Variants in FRY observed in about 807,000 individuals in gnomAD.
FRY encodes the protein FRY microtubule binding protein, also known as protein furry homolog.
FRY carries 128 observed loss-of-function variants against 348.4 expected under a neutral mutation model. The ratio of observed to expected loss-of-function variants is 0.37; its 90% confidence interval spans 0.32 to 0.43. The LOEUF is 0.43. FRY is among the 20% of genes least tolerant of loss of function. FRY has a pLI of 1.00. For synonymous variants in FRY, 1,370 were observed against 1,374.7 expected, an observed-to-expected ratio of 1.00 and a Z score of 0.08; for missense variants, 2,736 against 3,695.2, an observed-to-expected ratio of 0.74 and a Z score of 6.73.
At chr13:32,062,259 G>T (rs1328742548) in intron 1 of FRY, among the ~76,000 whole-genome samples, 1 of 151,518 alleles carries the variant, frequency 6.6e-6, no homozygotes. Context: ...ATTTGGAAAA[G>T]GTTGCATCAT....
At chr13:32,086,878 A>G (rs1415903392) in intron 2 of FRY, among the ~76,000 whole-genome samples, 1 of 152,152 alleles carries the variant, frequency 6.6e-6, no homozygotes, top group Non-Finnish European at 1.5e-5. Context: ...GGGGATTTTC[A>G]TTATTGAGGT....
intron 1 of FRY, among the ~76,000 whole-genome samples, chr13:32,049,002 G>A (rs1051326243): frequency 1.3e-5 from 2 of 152,100 alleles, no homozygotes; most frequent in Non-Finnish European, 2.9e-5. Context: ...TGCCTTCTCT[G>A]GGCTTCACAA....
intron 1 of FRY, among the ~76,000 whole-genome samples, chr13:32,040,042 A>T (rs1041247669): frequency 6.6e-6 from 1 of 152,232 alleles, no homozygotes; most frequent in African/African-American, 2.4e-5. Context: ...TTAAATTTAC[A>T]TTAAAAATTT....
chr13:32,257,950 A>T (rs753193576), intron 51 of FRY: 4 of 1,605,734 alleles, frequency 2.5e-6, no homozygotes. Flanking sequence ...CTGCTCATTC[A>T]ATCTGCTACC....
Position 32,299,033 on chromosome 13 carries a change from G to C in FRY, c.*3573G>C, listed in dbSNP as rs1190763662. On this transcript the variant is annotated 3_prime_UTR_variant, in exon 61 of 61. Transcript: ENST00000542859. Reference sequence around the variant, plus strand: ...CGTTGTGGTGGTTATACAGCATTGTGAATGTACTTAATGCCAATGAATTGT... The same window carrying C: ...CGTTGTGGTGGTTATACAGCATTGTCAATGTACTTAATGCCAATGAATTGT... 1 of 152,230 alleles carries C rather than the reference G, an allele frequency of 6.6e-6. No individual in the cohort carries two copies. Among genetic ancestry groups the C allele is most frequent in the Non-Finnish European group, 1.5e-5 (1 of 68,036 alleles). 9.4% of individuals were successfully genotyped at this position (152,230 alleles called of 1,614,324 possible).
chr13:32,125,234 G>C (rs372717568), intron 7 of FRY, among the ~76,000 whole-genome samples: 1 of 152,168 alleles, frequency 6.6e-6, no homozygotes, highest in East Asian at 1.9e-4. Flanking sequence ...TCATCTATCA[G>C]TGGGAAAATT....
intron 56 of FRY, among the ~76,000 whole-genome samples, chr13:32,275,905 T>G (rs373709264): frequency 2.0e-5 from 3 of 151,664 alleles, no homozygotes; most frequent in East Asian, 1.9e-4. Context: ...CCCCATGATA[T>G]GACAGAATCA....
chr13:32,106,428 C>A (rs753156244), intron 3 of FRY, among the ~76,000 whole-genome samples: 10 of 152,116 alleles, frequency 6.6e-5, no homozygotes, highest in Non-Finnish European at 1.3e-4. Flanking sequence ...GATCTAAAAT[C>A]TTTTATCAGT....
At position 32,228,588 on chromosome 13, in the gene FRY, A is replaced by C. The variant is rs778165525; in HGVS notation, c.5339A>C (p.Glu1780Ala). ...GNLPQMTQEV[E>A]DVDTAAETDE... ...CTCCCACAGATGACCCAGGAGGTAG[A>C]AGATGTGGACACAGCTGCTGAAACA... The change falls in exon 40 of 61, where the codon GAA (glutamate) becomes GCA (alanine). Residue 1780 changes from glutamate (E) to alanine (A), a missense_variant. Glu to Ala is a moderately radical substitution (Grantham distance 107, BLOSUM62 -1). Coordinates refer to ENST00000542859, the MANE Select transcript of FRY (RefSeq NM_023037.3). 1.9e-6 allele frequency: 3 copies of C among 1,614,128 alleles called. No homozygotes were observed. In the Admixed American group the frequency reaches 5.0e-5, roughly 27 times the overall value.
chr13:32,219,030 A>AAATT (rs1885163481), intron 36 of FRY, among the ~76,000 whole-genome samples, 199 bp downstream of exon 36: 1 of 151,674 alleles, frequency 6.6e-6, no homozygotes, highest in Admixed American at 6.5e-5. Context: ...GGACAAATCA[A>AAATT]AATTATAAAA....
rs34492846 is a variant in FRY at position 32,296,613 on chromosome 13, T to TA, written c.*1168dup. The TA allele has an allele frequency of 0.73, 105,920 of 144,244 alleles. 39,027 individuals carry two copies. The highest frequency in any genetic ancestry group is 0.79 in the Non-Finnish European group (52,106 of 66,018). 8.9% of individuals were successfully genotyped at this position (144,244 alleles called of 1,614,324 possible). A position where few individuals can be genotyped will look rare whatever the true frequency, so the allele number is the denominator to read the frequency against. ...ATTCTGTTCAGAACTTTCTTTAGAC[T>TA]AAAAAAAAAAAAAAAGACAAAATAC... On this transcript the variant is annotated 3_prime_UTR_variant, in exon 61 of 61. Transcript: ENST00000542859.
Position 32,210,949 on chromosome 13 carries a change from G to A in FRY, c.4506G>A (p.Glu1502=), listed in dbSNP as rs798981. The change falls in exon 34 of 61, where the codon GAG becomes GAA. Residue 1502 remains glutamate, a synonymous_variant. Transcript: ENST00000542859. ...TTCTCTTTGAGCTGCAGCAGACAGA[G>A]CCCGTGAACCCCATCGTCCAGCATT... ...EELLFELQQT[E]PVNPIVQHCD... is the part of the protein sequence containing the mutation. The A allele has an allele frequency of 0.41, 654,332 of 1,613,452 alleles. 135,583 individuals are homozygous for A. Among genetic ancestry groups the A allele is most frequent in the Admixed American group, 0.44 (26,597 of 59,984 alleles).
rs114407383 is a variant in FRY, at chr13:32,081,459, G to A, written c.270+2426G>A. Among the ~76,000 whole-genome samples the A allele has an allele frequency of 1.7e-3, 259 of 152,254 alleles. 1 individual carries two copies. The highest frequency in any genetic ancestry group is 6.2e-3 in the African/African-American group (258 of 41,544). ...TGTGCCTCAGCTTCCTTAGTAGCTA[G>A]GACTATAAGCGTGCACCACCACACC... On this transcript the variant is annotated intron_variant, in intron 2 of 60. Coordinates refer to ENST00000542859, the MANE Select transcript of FRY (RefSeq NM_023037.3).
intron 1 of FRY, among the ~76,000 whole-genome samples, chr13:32,034,303 G>T (rs1026462257): frequency 2.6e-5 from 4 of 152,170 alleles, no homozygotes; most frequent in Admixed American, 6.5e-5. Flanking sequence ...TGGGGAAAAT[G>T]TAATTATATA....
At chr13:32,235,395 G>A (rs956823274) in intron 42 of FRY, among the ~76,000 whole-genome samples, 22 of 152,310 alleles carry the variant, frequency 1.4e-4, no homozygotes, top group African/African-American at 4.6e-4. Context: ...AGGCCATGGC[G>A]GGCAGATCAC....
intron 30 of FRY, 78 bp downstream of exon 30, chr13:32,202,118 C>T: frequency 2.2e-6 from 2 of 906,866 alleles, no homozygotes; most frequent in South Asian, 1.3e-5. Context: ...TACCTAATAG[C>T]TGTTTATTGA....
chr13:32,051,658 T>C (rs1279843480), intron 1 of FRY, among the ~76,000 whole-genome samples: 1 of 152,212 alleles, frequency 6.6e-6, no homozygotes, highest in Non-Finnish European at 1.5e-5. Context: ...TTTACCAGCT[T>C]TTCTTCTCAC....
rs1234436295 is a variant in FRY at position 32,201,968 on chromosome 13, G to A, written c.3774G>A (p.Leu1258=). 2 of 1,601,498 alleles carry A rather than the reference G, an allele frequency of 1.2e-6. No homozygotes were observed. Among genetic ancestry groups the A allele is most frequent in the Middle Eastern group, 1.7e-4 (1 of 6,048 alleles). Residue 1258 remains leucine, a synonymous_variant, in exon 30 of 61, where the codon TTG becomes TTA. Coordinates refer to ENST00000542859, the MANE Select transcript of FRY (RefSeq NM_023037.3). The part of the protein sequence containing the change: ...SRNYPFDIVT[L]LNLVLFKASD... ...ACTATCCCTTCGACATAGTGACATT[G>A]TTAAACCTTGTTCTATTCAAGGCCT...
rs1386094633 is a variant in FRY at position 32,272,698 on chromosome 13, CA to C, written c.8137-2143del. The stretch of plus-strand genomic sequence containing the variant: ...CAAAAAACATTGTGCACTAGAAGTT[CA>C]GGGGGGTAAAAGTGTTTTTTTGTTT... On this transcript the variant is annotated intron_variant, in intron 55 of 60. Transcript: ENST00000542859. Among the ~76,000 whole-genome samples the C allele has an allele frequency of 3.3e-5, 5 of 152,214 alleles. No individual in the cohort carries two copies. The East Asian group carries it at 9.7e-4, about 29-fold the overall frequency.
Sources: gnomAD v4.1 joint callset for allele counts (sites outside exome capture counted in the v4.1 genomes callset) on GRCh38, gnomAD v4.1.1 for gene constraint, MANE v1.5 for transcripts, NCBI Gene and HGNC (gene_info 2026-07-23, HGNC 2026-07-21) for gene names.